The following CLMN variants were observed in gnomAD, a reference collection of about 807,000 sequenced individuals.
CLMN encodes calmin, also known as calmin (calponin-like, transmembrane).
In CLMN, 57 loss-of-function variants were observed where a neutral mutation model predicts 92.7. That is an observed-to-expected ratio of 0.61 (90% CI 0.50 to 0.77). The LOEUF is 0.77. CLMN is among the 30% of genes least tolerant of loss of function. CLMN has a pLI of 0.00. For missense variants in CLMN, 1,158 were observed against 1,237.5 expected (o/e 0.94, Z 0.96); for synonymous variants, 466 against 470.6 (o/e 0.99, Z 0.13).
intron 1 of CLMN, among the ~76,000 whole-genome samples, chr14:95,303,663 C>T (rs1041830685): frequency 2.0e-5 from 3 of 152,246 alleles, no homozygotes; most frequent in Non-Finnish European, 4.4e-5. Context: ...CAGCAGCAGC[C>T]TGGGAAATGG....
chr14:95,284,740 T>C lies in CLMN; in HGVS notation c.82+34971A>G, dbSNP rs145441685. Among the ~76,000 whole-genome samples, 10 of 152,332 alleles carry C rather than the reference T, an allele frequency of 6.6e-5. No individual in the cohort carries two copies. In the East Asian group the frequency reaches 1.9e-3, roughly 29 times the overall value. ...TTTACCCAATACCTGTACCCCACTGTATCTAGGAAGCAACTAGCTTGCTTT... is the reference window on the plus strand; with the variant it reads ...TTTACCCAATACCTGTACCCCACTGCATCTAGGAAGCAACTAGCTTGCTTT... On this transcript the variant is annotated intron_variant, in intron 1 of 12. Transcript: ENST00000298912.
chr14:95,214,527 T>G (rs1897280823), intron 5 of CLMN, among the ~76,000 whole-genome samples: 1 of 151,960 alleles, frequency 6.6e-6, no homozygotes, highest in South Asian at 2.1e-4. Context: ...TTTTGTTTGT[T>G]TTTTGTAGAG....
chr14:95,286,726 C>A (rs1900357919), intron 1 of CLMN, among the ~76,000 whole-genome samples: 1 of 152,078 alleles, frequency 6.6e-6, no homozygotes, highest in South Asian at 2.1e-4. Context: ...ACATAAAGAC[C>A]AAGAGTCTGC....
Position 95,313,866 on chromosome 14 carries a change from G to C in CLMN, c.82+5845C>G, listed in dbSNP as rs114515134. Among the ~76,000 whole-genome samples the C allele has an allele frequency of 2.1e-3, 317 of 152,352 alleles. 2 individuals carry two copies. The highest frequency in any genetic ancestry group is 6.8e-3 in the Middle Eastern group (2 of 294). ...AAATTAAATGCCAGAGTGTTCCACAGGTCAGGGAGGGCAGTTTATGAAATC... is the reference window on the plus strand; with the variant it reads ...AAATTAAATGCCAGAGTGTTCCACACGTCAGGGAGGGCAGTTTATGAAATC... On this transcript the variant is annotated intron_variant, in intron 1 of 12. Transcript: ENST00000298912.
At chr14:95,253,444 G>A (rs1898866414) in intron 1 of CLMN, among the ~76,000 whole-genome samples, 1 of 151,634 alleles carries the variant, frequency 6.6e-6, no homozygotes, top group Non-Finnish European at 1.5e-5. Context: ...CCCTCAGGAA[G>A]GACGGCTCAT....
chr14:95,301,440 C>T (rs932255390), intron 1 of CLMN, among the ~76,000 whole-genome samples: 3 of 152,252 alleles, frequency 2.0e-5, no homozygotes, highest in Admixed American at 2.0e-4. Flanking sequence ...ACATCCCACT[C>T]ATAGAGGACC....
At chr14:95,227,018 A>G (rs922878214) in intron 2 of CLMN, among the ~76,000 whole-genome samples, 5 of 152,286 alleles carry the variant, frequency 3.3e-5, no homozygotes, top group East Asian at 1.9e-4. Context: ...GGGCATTCAC[A>G]TGGGAGATAG....
intron 1 of CLMN, among the ~76,000 whole-genome samples, chr14:95,240,039 G>A (rs1457406333): frequency 6.6e-6 from 1 of 152,212 alleles, no homozygotes; most frequent in African/African-American, 2.4e-5. Flanking sequence ...ACAGTAACAA[G>A]CTATACAGGA....
At chr14:95,217,564 T>C (rs1897390801) in intron 4 of CLMN, among the ~76,000 whole-genome samples, 1 of 152,236 alleles carries the variant, frequency 6.6e-6, no homozygotes, top group South Asian at 2.1e-4. Flanking sequence ...ATCTCCGCAT[T>C]CATCACGAGC....
At chr14:95,245,266 T>A (rs565878283) in intron 1 of CLMN, among the ~76,000 whole-genome samples, 682 of 43,434 alleles carry the variant, frequency 0.016, 27 homozygotes, top group African/African-American at 0.061. Context: ...TATATATATA[T>A]ATATTATATA....
Position 95,196,602 on chromosome 14 carries a change from C to T in CLMN, c.2604G>A (p.Arg868=), listed in dbSNP as rs777586368. 4.3e-6 allele frequency: 7 copies of T among 1,614,192 alleles called. No individual in the cohort carries two copies. The highest frequency in any genetic ancestry group is 5.1e-6 in the Non-Finnish European group (6 of 1,180,022). Residue 868 remains arginine (R), a synonymous_variant, in exon 10 of 13, where the codon AGG becomes AGA. Coordinates refer to ENST00000298912, the MANE Select transcript of CLMN (RefSeq NM_024734.4). ...AACTTTCTACGTGGTCCACATGTTT[C>T]CTTTTTTCCTTTTTTTTACTACTGA... ...ESISSKKKEK[R]KHVDHVESSL... is the part of the protein sequence containing the mutation.
chr14:95,258,165 G>A (rs577776424), intron 1 of CLMN, among the ~76,000 whole-genome samples: 1 of 152,054 alleles, frequency 6.6e-6, no homozygotes, highest in Non-Finnish European at 1.5e-5. Context: ...GTAGTGTTGT[G>A]TATATGTGGG....
At chr14:95,248,908 T>C (rs775198365) in intron 1 of CLMN, among the ~76,000 whole-genome samples, 1 of 152,234 alleles carries the variant, frequency 6.6e-6, no homozygotes, top group Non-Finnish European at 1.5e-5. Flanking sequence ...AAAATTACTA[T>C]GTACCCTGTA....
chr14:95,250,780 G>A (rs550351903), intron 1 of CLMN, among the ~76,000 whole-genome samples: 8 of 152,288 alleles, frequency 5.3e-5, no homozygotes, highest in African/African-American at 7.2e-5. Context: ...AAGAATGAAC[G>A]AATGCAGGGG....
chr14:95,272,856 T>C (rs1899768524), intron 1 of CLMN, among the ~76,000 whole-genome samples: 1 of 152,220 alleles, frequency 6.6e-6, no homozygotes, highest in Non-Finnish European at 1.5e-5. Flanking sequence ...CCTCCCTTGT[T>C]CATTTATTAT....
intron 1 of CLMN, among the ~76,000 whole-genome samples, chr14:95,281,339 T>C (rs1900138091): frequency 6.6e-6 from 1 of 152,230 alleles, no homozygotes; most frequent in African/African-American, 2.4e-5. Flanking sequence ...CTGCACATTA[T>C]ACAGATCATC....
chr14:95,299,367 C>G (rs902449549), intron 1 of CLMN, among the ~76,000 whole-genome samples: 1 of 152,178 alleles, frequency 6.6e-6, no homozygotes, highest in Non-Finnish European at 1.5e-5. Context: ...TGTGAAGGAG[C>G]AAGAACACTG....
chr14:95,219,171 A>G (rs1445066479), intron 4 of CLMN, among the ~76,000 whole-genome samples: 1 of 152,216 alleles, frequency 6.6e-6, no homozygotes, highest in African/African-American at 2.4e-5. Flanking sequence ...ATGTGACCCA[A>G]ATGGCTGCTG....
intron 1 of CLMN, among the ~76,000 whole-genome samples, chr14:95,231,420 G>A (rs965203948): frequency 3.9e-5 from 6 of 152,060 alleles, no homozygotes; most frequent in South Asian, 2.1e-4. Context: ...GGATGGTCTC[G>A]ATCTCCTGAC....
Sources: gnomAD v4.1 joint callset for allele counts (sites outside exome capture counted in the v4.1 genomes callset) on GRCh38, gnomAD v4.1.1 for gene constraint, MANE v1.5 for transcripts, NCBI Gene and HGNC (gene_info 2026-07-23, HGNC 2026-07-21) for gene names.